Variants in POLR3B observed in about 807,000 individuals in gnomAD.
POLR3B encodes RNA polymerase III subunit B.
Under a neutral mutation model 147.4 loss-of-function variants are expected in POLR3B, and 96 were observed. That is an observed-to-expected ratio of 0.65 (90% CI 0.55 to 0.77). The LOEUF is 0.77. POLR3B is among the 30% of genes least tolerant of loss of function. The probability of loss-of-function intolerance (pLI) is 0.00; values close to 1 mark genes in which losing one functional copy is unlikely to be tolerated. For missense variants in POLR3B, 1,036 were observed against 1,413.5 expected, an observed-to-expected ratio of 0.73 and a Z score of 4.28; for synonymous variants, 461 against 485.9, an observed-to-expected ratio of 0.95 and a Z score of 0.67.
At chr12:106,463,661 A>G (rs775523173) in intron 23 of POLR3B, 41 bp downstream of exon 23, 6 of 1,544,422 alleles carry the variant, frequency 3.9e-6, no homozygotes, top group Non-Finnish European at 5.4e-6. Context: ...AAAACAATAT[A>G]TGAATGTATT....
intron 9 of POLR3B, among the ~76,000 whole-genome samples, chr12:106,385,944 C>G (rs1399518456): frequency 6.6e-6 from 1 of 152,104 alleles, no homozygotes; most frequent in Non-Finnish European, 1.5e-5. Context: ...TCTTTTCTTT[C>G]TTTACGGTTT....
At chr12:106,458,481 GA>G (rs2037893157) in intron 21 of POLR3B, among the ~76,000 whole-genome samples, 1 of 152,118 alleles carries the variant, frequency 6.6e-6, no homozygotes, top group African/African-American at 2.4e-5. Flanking sequence ...TGATCATTCT[GA>G]CTACAGTGTA....
chr12:106,410,443 C>G, intron 11 of POLR3B: 1 of 240,190 alleles, frequency 4.2e-6, no homozygotes, highest in South Asian at 5.6e-5. Context: ...GAAGAGGAAA[C>G]TGCCAGTTGA....
chr12:106,388,673 C>G (rs536000732), intron 9 of POLR3B, among the ~76,000 whole-genome samples: 1 of 152,182 alleles, frequency 6.6e-6, no homozygotes, highest in Non-Finnish European at 1.5e-5. Context: ...TATCACAGTT[C>G]TCTTATTACC....
At chr12:106,447,270 G>A (rs2037736497) in intron 19 of POLR3B, among the ~76,000 whole-genome samples, 1 of 152,072 alleles carries the variant, frequency 6.6e-6, no homozygotes, top group Admixed American at 6.6e-5. Context: ...CCCTACAAGA[G>A]AGTGAAGAAA....
intron 23 of POLR3B, among the ~76,000 whole-genome samples, chr12:106,467,579 G>A (rs1376698826): frequency 6.6e-6 from 1 of 152,108 alleles, no homozygotes; most frequent in Non-Finnish European, 1.5e-5. Flanking sequence ...GTATGATATT[G>A]GCTGTGGGTT....
At chr12:106,478,799 CA>C (rs200060502) in intron 23 of POLR3B, among the ~76,000 whole-genome samples, 4 of 150,706 alleles carry the variant, frequency 2.7e-5, no homozygotes, top group South Asian at 4.2e-4. Context: ...GTTCTTTGTA[CA>C]AAAAAAAACC....
chr12:106,373,101 TC>T (rs2036632893), intron 6 of POLR3B, among the ~76,000 whole-genome samples: 1 of 152,220 alleles, frequency 6.6e-6, no homozygotes, highest in South Asian at 2.1e-4. Flanking sequence ...TTCCTTCAGA[TC>T]AGACTTGTTA....
chr12:106,496,225 G>C (rs988252495), intron 24 of POLR3B, 67 bp downstream of exon 24: 1 of 961,498 alleles, frequency 1.0e-6, no homozygotes, highest in Non-Finnish European at 1.7e-6. Context: ...AGTTTAGTTA[G>C]AGTGAGTGGA....
intron 19 of POLR3B, among the ~76,000 whole-genome samples, chr12:106,451,268 A>G (rs916350853): frequency 2.0e-5 from 3 of 152,004 alleles, no homozygotes; most frequent in African/African-American, 7.2e-5. Context: ...ATATATGTAT[A>G]TCAGAACTCA....
Position 106,406,969 on chromosome 12 carries a change from G to A in POLR3B, c.966+993G>A, listed in dbSNP as rs891052428. Reference sequence around the variant, plus strand: ...TGACTGTAAAATAATGGAAGGTCACGGGATCTGTGGAAGTCGAGAGTAACC... The same window carrying A: ...TGACTGTAAAATAATGGAAGGTCACAGGATCTGTGGAAGTCGAGAGTAACC... On this transcript the variant is annotated intron_variant, in intron 11 of 27. Transcript: ENST00000228347. Among the ~76,000 whole-genome samples the A allele has an allele frequency of 6.6e-5, 10 of 152,258 alleles. No individual in the cohort carries two copies. In the East Asian group the frequency reaches 7.7e-4, roughly 12 times the overall value.
chr12:106,501,486 C>T, intron 26 of POLR3B, 50 bp downstream of exon 26: 4 of 1,093,442 alleles, frequency 3.7e-6, no homozygotes, highest in Non-Finnish European at 5.6e-6. Flanking sequence ...TCAAGTCCAC[C>T]TTGTATTTTC....
intron 22 of POLR3B, among the ~76,000 whole-genome samples, chr12:106,462,397 G>A (rs2037950758): frequency 6.6e-6 from 1 of 152,198 alleles, no homozygotes; most frequent in South Asian, 2.1e-4. Flanking sequence ...ACAGGGGCAT[G>A]CCACTATGCC....
At chr12:106,410,667 T>C (rs2037212796) in intron 11 of POLR3B, 159 bp from the exon 12 acceptor site, 4 of 691,946 alleles carry the variant, frequency 5.8e-6, no homozygotes, top group Non-Finnish European at 1.0e-5. Flanking sequence ...TCATCTCAGC[T>C]CAGGAAATTT....
intron 9 of POLR3B, among the ~76,000 whole-genome samples, chr12:106,388,119 A>G (rs1193508941): frequency 6.6e-6 from 1 of 152,170 alleles, no homozygotes; most frequent in Non-Finnish European, 1.5e-5. Flanking sequence ...AGCTTTTAAG[A>G]CATAGATCAG....
At chr12:106,462,293 G>T (rs1181690744) in intron 22 of POLR3B, among the ~76,000 whole-genome samples, 1 of 152,148 alleles carries the variant, frequency 6.6e-6, no homozygotes, top group East Asian at 1.9e-4. Flanking sequence ...TATTGCCCAG[G>T]CTGGAGTGCA....
intron 4 of POLR3B, 139 bp from the exon 5 acceptor site, chr12:106,369,136 A>G (rs982100649): frequency 7.0e-6 from 5 of 710,846 alleles, no homozygotes; most frequent in Non-Finnish European, 5.1e-6. Flanking sequence ...AAGATCTCCA[A>G]TTTTAATATT....
intron 18 of POLR3B, among the ~76,000 whole-genome samples, chr12:106,444,126 C>T (rs985872139): frequency 2.0e-5 from 3 of 152,110 alleles, no homozygotes; most frequent in Admixed American, 6.6e-5. Context: ...TGGCTAGTAA[C>T]TGTATTTAAA....
chr12:106,408,668 G>A (rs2037181158), intron 11 of POLR3B, among the ~76,000 whole-genome samples: 1 of 152,280 alleles, frequency 6.6e-6, no homozygotes, highest in Non-Finnish European at 1.5e-5. Flanking sequence ...AGCATTCTGG[G>A]TTCGTTTGTT....
Sources: gnomAD v4.1 joint callset for allele counts (sites outside exome capture counted in the v4.1 genomes callset) on GRCh38, gnomAD v4.1.1 for gene constraint, MANE v1.5 for transcripts, NCBI Gene and HGNC (gene_info 2026-07-23, HGNC 2026-07-21) for gene names.